Variants in ZNF444 observed in about 807,000 individuals in gnomAD.
The protein encoded by ZNF444 is zinc finger protein 444, also known as endothelial zinc finger protein 2.
A neutral mutation model predicts 14.4 loss-of-function variants in ZNF444; 8 were observed. The observed-to-expected ratio is 0.56, with a 90% confidence interval of 0.33 to 1.00. ZNF444 has a LOEUF of 1.00. ZNF444 is among the 50% of genes least tolerant of loss of function. The probability of loss-of-function intolerance (pLI) is 0.03; values close to 1 mark genes in which losing one functional copy is unlikely to be tolerated. For synonymous variants in ZNF444, 258 were observed against 235.9 expected, an observed-to-expected ratio of 1.09 and a Z score of -0.86; for missense variants, 510 against 504.8, an observed-to-expected ratio of 1.01 and a Z score of -0.10.
chr19:56,155,331 C>G (rs1233915730), intron 3 of ZNF444: 1 of 152,542 alleles, frequency 6.6e-6, no homozygotes, highest in African/African-American at 2.4e-5. Context: ...AGGAACGCTT[C>G]CCCGAGCTCG....
At chr19:56,136,141 C>T (rs2030606233) in intron 1 of ZNF444, among the ~76,000 whole-genome samples, 1 of 150,500 alleles carries the variant, frequency 6.6e-6, no homozygotes, top group Non-Finnish European at 1.5e-5. Flanking sequence ...GGCCCTTGGG[C>T]CCTTATTAAC....
intron 3 of ZNF444, among the ~76,000 whole-genome samples, chr19:56,148,491 C>T (rs1170099652): frequency 1.3e-5 from 2 of 152,140 alleles, no homozygotes; most frequent in South Asian, 2.1e-4. Context: ...GGCAGCCGGG[C>T]GGCCTTCCTT....
intron 1 of ZNF444, among the ~76,000 whole-genome samples, chr19:56,134,115 C>T (rs983247149): frequency 6.6e-6 from 1 of 152,070 alleles, no homozygotes; most frequent in African/African-American, 2.4e-5. Flanking sequence ...CTCACTCATG[C>T]GTCCATCATC....
At chr19:56,140,808 C>G (rs2030747350), upstream of ZNF444, 1 of 152,562 alleles carries the variant, frequency 6.6e-6, no homozygotes, top group Non-Finnish European at 1.5e-5. Flanking sequence ...CCGGAGGCCC[C>G]ACCTCCCAAA....
At position 56,160,745 on chromosome 19, in the gene ZNF444, C is replaced by G. The variant is rs2032243774; in HGVS notation, c.*544C>G. 1 of 154,078 alleles carries G rather than the reference C, an allele frequency of 6.5e-6. No homozygotes were observed. Among genetic ancestry groups the G allele is most frequent in the Admixed American group, 6.5e-5 (1 of 15,306 alleles). The allele number at this position is 154,078 out of a possible 1,614,324, so 9.5% of individuals were successfully genotyped here. On this transcript the variant is annotated 3_prime_UTR_variant, in exon 5 of 5. Transcript: ENST00000337080. ...CGGGTGATGGCTCTGAAGCTGAACC[C>G]AGGGCCTGGCTGTGGTCTTCTTGGT...
intron 3 of ZNF444, chr19:56,157,379 T>G (rs1400629440): frequency 6.6e-6 from 1 of 151,726 alleles, no homozygotes; most frequent in Non-Finnish European, 1.5e-5. Flanking sequence ...TCTGTCAGAG[T>G]GAGGGCAGGT....
chr19:56,155,246 C>T (rs2031834708), intron 3 of ZNF444: 2 of 152,378 alleles, frequency 1.3e-5, no homozygotes, highest in African/African-American at 4.8e-5. Context: ...CAACTGTCCT[C>T]CTGCCGTGGA....
At chr19:56,138,792 CTTT>C (rs59273024), upstream of ZNF444, among the ~76,000 whole-genome samples, 2 of 92,846 alleles carry the variant, frequency 2.2e-5, no homozygotes, top group Non-Finnish European at 3.8e-5. Flanking sequence ...CTTGAATGTA[CTTT>C]TTTTTTTTTT....
intron 3 of ZNF444, chr19:56,154,927 G>A (rs1000483096): frequency 6.6e-6 from 1 of 152,214 alleles, no homozygotes; most frequent in Non-Finnish European, 1.5e-5. Context: ...CTCAGTTAAA[G>A]TACACAGACT....
At position 56,146,142 on chromosome 19, in the gene ZNF444, GT is replaced by G. The variant is rs1488430627; in HGVS notation, c.-196-104del. 8 of 152,512 alleles carry G rather than the reference GT, an allele frequency of 5.2e-5. No individual in the cohort carries two copies. In the East Asian group the frequency reaches 1.5e-3, roughly 29 times the overall value. 9.4% of individuals were successfully genotyped at this position (152,512 alleles called of 1,614,324 possible). A position where few individuals can be genotyped will look rare whatever the true frequency, so the allele number is the denominator to read the frequency against. On this transcript the variant is annotated intron_variant, in intron 1 of 4. Transcript: ENST00000337080. Reference sequence around the variant, plus strand: ...GCTGCAAAGTGTCTGCTCCCAGGGTGTGGGGTGCACGGCCCCACAAGTCCAG... The same window carrying G: ...GCTGCAAAGTGTCTGCTCCCAGGGTGGGGGTGCACGGCCCCACAAGTCCAG...
chr19:56,137,406 G>A (rs2030636312), upstream of ZNF444, among the ~76,000 whole-genome samples: 1 of 151,946 alleles, frequency 6.6e-6, no homozygotes. Context: ...GGAGAAGGGG[G>A]TTGCAATGAG....
chr19:56,158,854 A>G (rs559266371), intron 4 of ZNF444, among the ~76,000 whole-genome samples: 1 of 151,550 alleles, frequency 6.6e-6, no homozygotes, highest in Admixed American at 6.6e-5. Flanking sequence ...CCATTCCTCT[A>G]TCATATACCC....
intron 4 of ZNF444, among the ~76,000 whole-genome samples, chr19:56,159,047 TCATCCACCCATCATCCGTCCATC>T (rs1242777917): frequency 1.2e-4 from 18 of 150,090 alleles, no homozygotes; most frequent in Admixed American, 2.0e-4. Context: ...ATCTGTACAT[TCATCCACCCATCATCCGTCCATC>T]CATCCACCCA....
chr19:56,158,639 C>T (rs754251410), intron 4 of ZNF444, 37 bp downstream of exon 4: 1 of 1,536,504 alleles, frequency 6.5e-7, no homozygotes, highest in South Asian at 1.2e-5. Context: ...CCCGCCAGCC[C>T]CCAGCACCGG....
chr19:56,150,693 C>T (rs1341439289), intron 3 of ZNF444, among the ~76,000 whole-genome samples: 2 of 152,168 alleles, frequency 1.3e-5, no homozygotes, highest in East Asian at 3.9e-4. Context: ...AGAGCCTGGG[C>T]GATAGCCATT....
chr19:56,146,756 C>T, intron 2 of ZNF444, 134 bp from the exon 3 acceptor site: 2 of 731,240 alleles, frequency 2.7e-6, no homozygotes, highest in Non-Finnish European at 3.8e-6. Context: ...CACTGCACTC[C>T]AACCTGGGGG....
At chr19:56,158,378 C>A in intron 3 of ZNF444, 116 bp from the exon 4 acceptor site, 1 of 984,598 alleles carries the variant, frequency 1.0e-6, no homozygotes, top group Non-Finnish European at 1.5e-6. Flanking sequence ...CCCAGCATGA[C>A]TGTGGCTTCC....
rs1794767863 is a variant in ZNF444, at chr19:56,144,929, G to A, written c.-196-1318G>A. On this transcript the variant is annotated intron_variant, in intron 1 of 4. Transcript: ENST00000337080. This position sits in a 1 kb window ranked among gnomAD's most constrained non-coding sequence, Gnocchi z 4.0. ...ATCTTCCAGTGTCCTTGAGGTCAGG[G>A]GCCGGCAGTCTTGTCCTGTAAAGAG... 6.6e-6 allele frequency among the ~76,000 whole-genome samples: 1 copy of A among 152,326 alleles called. No homozygotes were observed. The highest frequency in any genetic ancestry group is 1.9e-4 in the East Asian group (1 of 5,178).
intron 3 of ZNF444, among the ~76,000 whole-genome samples, chr19:56,148,751 G>A (rs903610388): frequency 4.6e-5 from 7 of 152,136 alleles, no homozygotes; most frequent in Non-Finnish European, 8.8e-5. Flanking sequence ...AATCACAAAC[G>A]CAGCGGCTTA....
Sources: allele counts gnomAD v4.1 joint callset (sites outside exome capture counted in the v4.1 genomes callset), GRCh38; gene constraint gnomAD v4.1.1; non-coding constraint Gnocchi (gnomAD v3.1); transcripts MANE v1.5; gene names NCBI Gene and HGNC (gene_info 2026-07-23, HGNC 2026-07-21).